GPC6: variants seen among roughly 807,000 people sequenced by gnomAD.
The protein encoded by GPC6 is glypican 6, also known as glypican-6.
In GPC6, 14 loss-of-function variants were observed where a neutral mutation model predicts 55.2. The ratio of observed to expected loss-of-function variants is 0.25; its 90% CI spans 0.17 to 0.40. The LOEUF (loss-of-function observed/expected upper bound fraction) is 0.40. Among genes scored for constraint, GPC6 ranks in the 10% least tolerant of loss-of-function variants. GPC6 has a pLI of 1.00. For missense variants in GPC6, 641 were observed against 708.5 expected (o/e 0.90, Z 1.08); for synonymous variants, 278 against 259.6 (o/e 1.07, Z -0.68).
intron 4 of GPC6, among the ~76,000 whole-genome samples, chr13:94,269,148 C>T (rs183353608): frequency 2.0e-5 from 3 of 152,284 alleles, no homozygotes; most frequent in Admixed American, 6.5e-5. Flanking sequence ...TGGATGTTAA[C>T]AGGTGGCCCC....
rs952194542 is a variant in GPC6 at position 94,359,777 on chromosome 13, C to T, written c.1153-22637C>T. On this transcript the variant is annotated intron_variant, in intron 6 of 8. Transcript: ENST00000377047. ...TTCAGATTCCAGTGTGCTTCCAGTA[C>T]TGTTTTTATACTTATCTGCAATAAA... Among the ~76,000 whole-genome samples the T allele has an allele frequency of 2.0e-5, 3 of 152,144 alleles. No individual in the cohort carries two copies. The South Asian group carries it at 6.2e-4, about 32-fold the overall frequency.
chr13:93,612,532 C>CACACACAG (rs1878523917), intron 2 of GPC6, among the ~76,000 whole-genome samples: 1 of 151,916 alleles, frequency 6.6e-6, no homozygotes, highest in South Asian at 2.1e-4. Flanking sequence ...CACACACACA[C>CACACACAG]ACACACACAC....
At chr13:94,121,531 A>G (rs1327405955) in intron 4 of GPC6, among the ~76,000 whole-genome samples, 1 of 152,158 alleles carries the variant, frequency 6.6e-6, no homozygotes, top group Non-Finnish European at 1.5e-5. Flanking sequence ...AACTGGTAAA[A>G]ATAATTTAAC....
chr13:93,814,139 A>C (rs1886777806), intron 2 of GPC6, among the ~76,000 whole-genome samples: 1 of 152,170 alleles, frequency 6.6e-6, no homozygotes, highest in Non-Finnish European at 1.5e-5. Flanking sequence ...GGAGAAATAC[A>C]TGGAAACTTT....
At chr13:94,254,358 G>T (rs1248225140) in intron 4 of GPC6, among the ~76,000 whole-genome samples, 1 of 152,048 alleles carries the variant, frequency 6.6e-6, no homozygotes, top group East Asian at 1.9e-4. Context: ...TTGAGATTTT[G>T]TTTGCCTCTA....
chr13:93,982,237 A>C (rs1411651081), intron 3 of GPC6, among the ~76,000 whole-genome samples: 1 of 152,202 alleles, frequency 6.6e-6, no homozygotes, highest in East Asian at 1.9e-4. Context: ...TGATAAAACA[A>C]ATATTTATTG....
chr13:94,140,211 G>T (rs1026728917), intron 4 of GPC6, among the ~76,000 whole-genome samples: 1 of 152,068 alleles, frequency 6.6e-6, no homozygotes, highest in Non-Finnish European at 1.5e-5. Context: ...CCTTTGAATG[G>T]TATTTACATA....
intron 3 of GPC6, among the ~76,000 whole-genome samples, chr13:93,940,687 A>G (rs945394318): frequency 6.6e-6 from 1 of 152,210 alleles, no homozygotes; most frequent in African/African-American, 2.4e-5. Flanking sequence ...GTAAAAGTAT[A>G]CTTATGAGAC....
At chr13:93,820,746 C>T (rs749134875) in intron 2 of GPC6, among the ~76,000 whole-genome samples, 1 of 149,580 alleles carries the variant, frequency 6.7e-6, no homozygotes, top group Non-Finnish European at 1.5e-5. Context: ...TTTTTTAAGT[C>T]TCCTGGGACT....
chr13:93,601,313 G>A (rs1482643472), intron 2 of GPC6, among the ~76,000 whole-genome samples: 2 of 151,946 alleles, frequency 1.3e-5, no homozygotes, highest in African/African-American at 4.8e-5. Flanking sequence ...GAATGAGGAG[G>A]TGGAGGTTGC....
At chr13:94,236,985 C>G (rs528680155) in intron 4 of GPC6, among the ~76,000 whole-genome samples, 18 of 151,630 alleles carry the variant, frequency 1.2e-4, no homozygotes, top group African/African-American at 4.1e-4. Flanking sequence ...GTTGGAAGCA[C>G]CTTGTTCACA....
chr13:94,230,718 C>T (rs1248185803), intron 4 of GPC6, among the ~76,000 whole-genome samples: 2 of 152,052 alleles, frequency 1.3e-5, no homozygotes, highest in African/African-American at 4.8e-5. Flanking sequence ...AAAAAATGTA[C>T]CTAAAAGTGT....
intron 2 of GPC6, among the ~76,000 whole-genome samples, chr13:93,612,782 T>G (rs1006081665): frequency 3.3e-5 from 5 of 152,218 alleles, no homozygotes; most frequent in African/African-American, 1.2e-4. Flanking sequence ...GATTAAAGAA[T>G]ATTTTTCCAT....
At chr13:94,201,021 A>T (rs1438749813) in intron 4 of GPC6, among the ~76,000 whole-genome samples, 1 of 152,242 alleles carries the variant, frequency 6.6e-6, no homozygotes, top group African/African-American at 2.4e-5. Flanking sequence ...AGTGATTAAC[A>T]TCAAGTAAAT....
At chr13:93,510,858 A>G (rs1281188039) in intron 1 of GPC6, among the ~76,000 whole-genome samples, 1 of 146,888 alleles carries the variant, frequency 6.8e-6, no homozygotes, top group Non-Finnish European at 1.5e-5. Context: ...ATGATATCTC[A>G]TTGTGGTTTT....
chr13:94,147,012 G>C (rs903333436), intron 4 of GPC6, among the ~76,000 whole-genome samples: 1 of 152,096 alleles, frequency 6.6e-6, no homozygotes, highest in African/African-American at 2.4e-5. Context: ...CTAAAGGCAG[G>C]TTATTACCTT....
In GPC6 at chr13:94,017,076, A is replaced by C. The variant is rs185667556; in HGVS notation, c.712-10653A>C. ...TCTTGAACTCCTGAACTCGTGATCCACCCGCCTTGGCCTCCCAAAGTGCTG... is the reference window on the plus strand; with the variant it reads ...TCTTGAACTCCTGAACTCGTGATCCCCCCGCCTTGGCCTCCCAAAGTGCTG... On this transcript the variant is annotated intron_variant, in intron 3 of 8. Coordinates refer to ENST00000377047, the MANE Select transcript of GPC6 (RefSeq NM_005708.5). Among the ~76,000 whole-genome samples, 739 of 151,862 alleles carry C rather than the reference A, an allele frequency of 4.9e-3. 7 individuals carry two copies. The highest frequency in any genetic ancestry group is 0.017 in the African/African-American group (713 of 41,438).
chr13:93,897,013 T>G (rs976904762), intron 3 of GPC6, among the ~76,000 whole-genome samples: 1 of 151,764 alleles, frequency 6.6e-6, no homozygotes, highest in East Asian at 1.9e-4. Context: ...CATTTTCTTA[T>G]TGTAAAGGAT....
intron 1 of GPC6, among the ~76,000 whole-genome samples, chr13:93,463,744 A>G (rs1284485124): frequency 8.1e-6 from 1 of 123,128 alleles, no homozygotes; most frequent in Non-Finnish European, 1.7e-5. Context: ...AAATGGCTCC[A>G]CTTTTTTTTT....
Sources: gnomAD v4.1 joint callset for allele counts (sites outside exome capture counted in the v4.1 genomes callset) on GRCh38, gnomAD v4.1.1 for gene constraint, MANE v1.5 for transcripts, NCBI Gene and HGNC (gene_info 2026-07-23, HGNC 2026-07-21) for gene names.